Variants in PTPRG observed in about 807,000 individuals in gnomAD.
PTPRG encodes receptor-type tyrosine-protein phosphatase gamma.
In PTPRG, 102 loss-of-function variants were observed where a neutral mutation model predicts 165.3. That is an observed-to-expected ratio of 0.62 (90% CI 0.53 to 0.73). The LOEUF (loss-of-function observed/expected upper bound fraction) is 0.73. Ranked by LOEUF, PTPRG falls within the 30% of genes least tolerant of loss-of-function variation. The pLI is 0.00. For missense variants in PTPRG, 1,866 were observed against 1,861.4 expected (o/e 1.00, Z -0.05); for synonymous variants, 675 against 669.5 (o/e 1.01, Z -0.13).
chr3:61,701,114 C>T (rs1389621115), intron 1 of PTPRG, among the ~76,000 whole-genome samples: 3 of 152,150 alleles, frequency 2.0e-5, no homozygotes, highest in Non-Finnish European at 4.4e-5. Context: ...CTGTTTAAGG[C>T]TAGCTGCATA....
At chr3:62,152,338 AGT>A (rs1211696713) in intron 6 of PTPRG, among the ~76,000 whole-genome samples, 17 of 152,060 alleles carry the variant, frequency 1.1e-4, no homozygotes, top group Middle Eastern at 3.2e-3. Context: ...TAGTCAACAG[AGT>A]GAGAATCTGT....
chr3:62,048,207 G>A (rs2106640122), intron 4 of PTPRG, among the ~76,000 whole-genome samples: 1 of 152,210 alleles, frequency 6.6e-6, no homozygotes, highest in African/African-American at 2.4e-5. Context: ...AAGAAAACAA[G>A]GAGGTAATGA....
chr3:61,857,937 C>G (rs758357083), intron 2 of PTPRG, among the ~76,000 whole-genome samples: 1 of 152,170 alleles, frequency 6.6e-6, no homozygotes, highest in African/African-American at 2.4e-5. Context: ...CCTCTATCCA[C>G]TGGAAGTCAC....
chr3:62,263,039 A>C lies in PTPRG; in HGVS notation c.2656+145A>C. On this transcript the variant is annotated intron_variant, in intron 17 of 29. Coordinates refer to ENST00000474889, the MANE Select transcript of PTPRG (RefSeq NM_002841.4). ...AACCTCTCATTAGCCCATCTTCAAC[A>C]GTGTAGAAGTTGGGACATTTTCTTC... is the stretch of plus-strand genomic sequence containing the variant. The C allele has an allele frequency of 6.6e-6, 4 of 605,978 alleles. No individual in the cohort carries two copies. In the South Asian group the frequency reaches 8.5e-5, roughly 13 times the overall value. 37.5% of individuals were successfully genotyped at this position (605,978 alleles called of 1,614,324 possible).
At chr3:61,610,028 G>T (rs773223980) in intron 1 of PTPRG, among the ~76,000 whole-genome samples, 11 of 147,618 alleles carry the variant, frequency 7.5e-5, no homozygotes, top group Non-Finnish European at 1.6e-4. Context: ...TTTGTATCTA[G>T]TATGGAGAGG....
intron 2 of PTPRG, among the ~76,000 whole-genome samples, chr3:61,979,026 T>A (rs935880948): frequency 3.9e-5 from 6 of 152,200 alleles, no homozygotes; most frequent in African/African-American, 1.4e-4. Context: ...CACGAGTTGT[T>A]GAAAGGATCG....
At chr3:61,999,948 T>C (rs982709134) in intron 3 of PTPRG, among the ~76,000 whole-genome samples, 1 of 152,004 alleles carries the variant, frequency 6.6e-6, no homozygotes, top group African/African-American at 2.4e-5. Context: ...GAAAAGGCAG[T>C]ATCTTTTTTT....
intron 16 of PTPRG, chr3:62,261,022 C>T (rs908235528): frequency 6.6e-6 from 1 of 152,072 alleles, no homozygotes; most frequent in African/African-American, 2.4e-5. Context: ...ACAGCTGCTC[C>T]CAAGCAGTCT....
Position 62,168,000 on chromosome 3 carries a change from G to A in PTPRG, c.870G>A (p.Thr290=), listed in dbSNP as rs748317629. Residue 290 remains threonine (T), a synonymous_variant, in exon 8 of 30, where the codon ACG becomes ACA. Coordinates refer to ENST00000474889, the MANE Select transcript of PTPRG (RefSeq NM_002841.4). ...QLEAFYSIFT[T]EQQDHVKSVE... ...AGGCTTTTTATTCCATCTTCACCAC[G>A]GAGCAGCAAGACCATGTCAAGTCGG... 6.2e-6 allele frequency: 10 copies of A among 1,613,264 alleles called. No individual in the cohort carries two copies. Among genetic ancestry groups the A allele is most frequent in the Admixed American group, 1.7e-5 (1 of 59,956 alleles).
rs1363318004 is a variant in PTPRG at position 61,701,187 on chromosome 3, AT to A, written c.86-47689del. 2.6e-5 allele frequency among the ~76,000 whole-genome samples: 4 copies of A among 152,062 alleles called. No homozygotes were observed. The East Asian group carries it at 7.7e-4, about 29-fold the overall frequency. Reference sequence around the variant, plus strand: ...ACCATATGGGCTTTTTCCTGTGGTGATTAATTAGGTTGCATGCTGAGCTCTC... The same window carrying A: ...ACCATATGGGCTTTTTCCTGTGGTGATAATTAGGTTGCATGCTGAGCTCTC... On this transcript the variant is annotated intron_variant, in intron 1 of 29. Coordinates refer to ENST00000474889, the MANE Select transcript of PTPRG (RefSeq NM_002841.4).
At position 62,116,048 on chromosome 3, in the gene PTPRG, T is replaced by G. The variant is rs76721259; in HGVS notation, c.616-16554T>G. ...ACAGCTGTAAGAGGTTTATTGTCAG[T>G]GTTGTCTTTATTGTCAGTTGTTGTC... On this transcript the variant is annotated intron_variant, in intron 5 of 29. Coordinates refer to ENST00000474889, the MANE Select transcript of PTPRG (RefSeq NM_002841.4). Among the ~76,000 whole-genome samples, 1,399 of 152,274 alleles carry G rather than the reference T, an allele frequency of 9.2e-3. 17 individuals are homozygous for G. Among genetic ancestry groups the G allele is most frequent in the African/African-American group, 0.032 (1,331 of 41,552 alleles).
chr3:61,740,141 A>C (rs976465361), intron 1 of PTPRG, among the ~76,000 whole-genome samples: 1 of 152,184 alleles, frequency 6.6e-6, no homozygotes, highest in Non-Finnish European at 1.5e-5. Context: ...ACAATTGTAA[A>C]ATGGAAAGTA....
chr3:62,167,329 C>G (rs905562948), intron 7 of PTPRG, among the ~76,000 whole-genome samples: 1 of 152,094 alleles, frequency 6.6e-6, no homozygotes, highest in African/African-American at 2.4e-5. Flanking sequence ...GGCGACTTTG[C>G]CAAACTTGAT....
chr3:61,818,251 A>G (rs1199293862), intron 2 of PTPRG, among the ~76,000 whole-genome samples: 1 of 152,196 alleles, frequency 6.6e-6, no homozygotes, highest in Non-Finnish European at 1.5e-5. Flanking sequence ...TATATACCTG[A>G]TATTTTAAAA....
intron 10 of PTPRG, among the ~76,000 whole-genome samples, chr3:62,197,085 C>T (rs770634822): frequency 6.6e-6 from 1 of 152,176 alleles, no homozygotes; most frequent in Admixed American, 6.5e-5. Flanking sequence ...GGAGTGAGGA[C>T]CTCTGGTCTG....
At chr3:61,615,910 G>A (rs1258026197) in intron 1 of PTPRG, among the ~76,000 whole-genome samples, 1 of 152,154 alleles carries the variant, frequency 6.6e-6, no homozygotes, top group Non-Finnish European at 1.5e-5. Flanking sequence ...GAGCCAAAGA[G>A]CTCTGATTTC....
In PTPRG at chr3:62,201,516, C is replaced by G; in HGVS notation, c.1339C>G (p.Arg447Gly). The G allele has an allele frequency of 1.2e-6, 2 of 1,609,690 alleles. No homozygotes were observed. The highest frequency in any genetic ancestry group is 8.5e-7 in the Non-Finnish European group (1 of 1,177,470). Residue 447 changes from arginine (R) to glycine (G), a missense_variant, in exon 11 of 30, where the codon CGA becomes GGA. Around this residue, in one of 3 missense-constraint regions of PTPRG, gnomAD observed 1,452 missense variants for 1,463.0 expected, o/e 0.99. Coordinates refer to ENST00000474889, the MANE Select transcript of PTPRG (RefSeq NM_002841.4). ...TCTTTGTTTCTCAGCTAATACCACT[C>G]GAATATTCCAAGGGACCAGAATAGT... ...QTMLFQANTT[R>G]IFQGTRIVKT... is the part of the protein sequence containing the mutation.
intron 2 of PTPRG, among the ~76,000 whole-genome samples, chr3:61,806,795 A>G (rs1295900530): frequency 6.6e-6 from 1 of 152,198 alleles, no homozygotes; most frequent in African/African-American, 2.4e-5. Flanking sequence ...TCTACAATCT[A>G]TCTGATTTTG....
At chr3:62,129,962 T>A (rs894769690) in intron 5 of PTPRG, among the ~76,000 whole-genome samples, 35 of 152,224 alleles carry the variant, frequency 2.3e-4, no homozygotes, top group Non-Finnish European at 4.3e-4. Context: ...TTCAAAAAAC[T>A]ACTGGTATCA....
Sources: gnomAD v4.1 joint callset for allele counts (sites outside exome capture counted in the v4.1 genomes callset) on GRCh38, gnomAD v4.1.1 for gene constraint, gnomAD v4.1.1 regional missense constraint, MANE v1.5 for transcripts, NCBI Gene and HGNC (gene_info 2026-07-23, HGNC 2026-07-21) for gene names.